The following ZNF608 variants were observed in gnomAD, a reference collection of about 807,000 sequenced individuals.
The protein encoded by ZNF608 is renal carcinoma antigen NY-REN-36.
A neutral mutation model predicts 109.0 loss-of-function variants in ZNF608; 12 were observed. The ratio of observed to expected loss-of-function variants is 0.11; its 90% CI spans 0.07 to 0.18. The LOEUF (loss-of-function observed/expected upper bound fraction) is 0.18, where lower values mean the gene tolerates loss of function less well. Among genes scored for constraint, ZNF608 ranks in the 10% least tolerant of loss-of-function variants. ZNF608 has a pLI of 1.00. For synonymous variants in ZNF608, 732 were observed against 717.4 expected, an observed-to-expected ratio of 1.02 and a Z score of -0.33; for missense variants, 1,707 against 1,879.3, an observed-to-expected ratio of 0.91 and a Z score of 1.70.
At chr5:124,747,363 A>C (rs1749676201), upstream of ZNF608, among the ~76,000 whole-genome samples, 1 of 151,586 alleles carries the variant, frequency 6.6e-6, no homozygotes, top group Admixed American at 6.6e-5. Context: ...AGCAGTAATG[A>C]ATTGTTGATG....
chr5:124,725,149 G>A (rs1248119190), intron 2 of ZNF608, among the ~76,000 whole-genome samples: 1 of 151,856 alleles, frequency 6.6e-6, no homozygotes, highest in Admixed American at 6.6e-5. Flanking sequence ...CTCCACAAGG[G>A]GGCCAAATGG....
intron 2 of ZNF608, among the ~76,000 whole-genome samples, chr5:124,711,710 T>C (rs1424399572): frequency 1.3e-5 from 2 of 152,174 alleles, no homozygotes; most frequent in Admixed American, 6.5e-5. Flanking sequence ...CAGAGCCAAA[T>C]GTGGTCAGAG....
At chr5:124,644,769 A>G in intron 5 of ZNF608, 108 bp from the exon 6 acceptor site, 1 of 936,110 alleles carries the variant, frequency 1.1e-6, no homozygotes, top group Non-Finnish European at 1.6e-6. Flanking sequence ...CTTAATTTTA[A>G]TGCTAAGTTG....
At chr5:124,690,180 A>G (rs1752556487) in intron 3 of ZNF608, among the ~76,000 whole-genome samples, 1 of 152,260 alleles carries the variant, frequency 6.6e-6, no homozygotes, top group African/African-American at 2.4e-5. Flanking sequence ...AAAGAGCAAA[A>G]CAATGGAGAC....
At chr5:124,683,701 C>T (rs1258130645) in intron 3 of ZNF608, among the ~76,000 whole-genome samples, 2 of 152,026 alleles carry the variant, frequency 1.3e-5, no homozygotes, top group Non-Finnish European at 2.9e-5. Flanking sequence ...AACATATAAC[C>T]TGAATAAAAG....
At chr5:124,651,839 A>AG (rs1179504693) in intron 3 of ZNF608, among the ~76,000 whole-genome samples, 12 of 152,204 alleles carry the variant, frequency 7.9e-5, no homozygotes, top group Non-Finnish European at 1.8e-4. Flanking sequence ...GCGGAGGCAA[A>AG]GGGACGCATC....
intron 2 of ZNF608, among the ~76,000 whole-genome samples, chr5:124,717,479 A>G (rs1753750819): frequency 6.6e-6 from 1 of 152,316 alleles, no homozygotes; most frequent in Non-Finnish European, 1.5e-5. Flanking sequence ...TTAAATAAAT[A>G]AATAAATAAA....
At chr5:124,723,374 T>C (rs562015554) in intron 2 of ZNF608, among the ~76,000 whole-genome samples, 4 of 152,298 alleles carry the variant, frequency 2.6e-5, no homozygotes, top group Middle Eastern at 3.4e-3. Context: ...GGGAGACATT[T>C]CTTACTCCAA....
At chr5:124,652,445 A>T (rs1306349711) in intron 3 of ZNF608, among the ~76,000 whole-genome samples, 1 of 152,206 alleles carries the variant, frequency 6.6e-6, no homozygotes, top group Non-Finnish European at 1.5e-5. Context: ...GTGCTAATTA[A>T]ATATGTGTGC....
At chr5:124,655,707 G>A (rs1377322315) in intron 3 of ZNF608, among the ~76,000 whole-genome samples, 1 of 152,068 alleles carries the variant, frequency 6.6e-6, no homozygotes, top group Non-Finnish European at 1.5e-5. Flanking sequence ...TATTGTGCAA[G>A]GTATGATTTA....
intron 3 of ZNF608, among the ~76,000 whole-genome samples, chr5:124,654,490 C>A (rs762709119): frequency 1.4e-4 from 21 of 152,380 alleles, no homozygotes; most frequent in Middle Eastern, 3.4e-3. Context: ...AAGGTTCTCA[C>A]TTCTGTGAAT....
rs188399767 is a variant in ZNF608 at position 124,732,916 on chromosome 5, G to A, written c.906+11168C>T. ...TTGAGAGTTTTGCTTCCTGACCAGG[G>A]AGCACAGAAATAATCTGCCTCCCCA... On this transcript the variant is annotated intron_variant, in intron 2 of 9. Coordinates refer to ENST00000513986, the MANE Select transcript of ZNF608 (RefSeq NM_020747.3). Among the ~76,000 whole-genome samples, 81 of 152,110 alleles carry A rather than the reference G, an allele frequency of 5.3e-4. 1 individual carries two copies. Among genetic ancestry groups the A allele is most frequent in the South Asian group, 3.1e-3 (15 of 4,800 alleles).
In ZNF608 at chr5:124,641,361, C is replaced by T. The variant is rs757539163; in HGVS notation, c.4341G>A (p.Arg1447=). 4 of 1,613,952 alleles carry T rather than the reference C, an allele frequency of 2.5e-6. No individual in the cohort carries two copies. The highest frequency in any genetic ancestry group is 3.4e-6 in the Non-Finnish European group (4 of 1,180,018). ...CGAAGGGGGAGTGGCGATCCCTTTC[C>T]CTTTCTGCCTCCCGTTCCCGCTCAG... ...ATAEREREAE[R]ERDRHSPFGQ... is the part of the protein sequence containing the mutation. Residue 1447 remains arginine, a synonymous_variant, in exon 8 of 10, where the codon AGG becomes AGA. Transcript: ENST00000513986.
chr5:124,703,894 G>T (rs1008004886), intron 2 of ZNF608, among the ~76,000 whole-genome samples: 2 of 152,002 alleles, frequency 1.3e-5, no homozygotes, highest in Admixed American at 1.3e-4. Context: ...AGATATATTT[G>T]CATGCAGAAA....
chr5:124,736,533 A>C (rs1237248178), intron 2 of ZNF608, among the ~76,000 whole-genome samples: 1 of 152,214 alleles, frequency 6.6e-6, no homozygotes, highest in African/African-American at 2.4e-5. Context: ...CAAAAACAAA[A>C]GGTACTTTTA....
chr5:124,690,450 T>G (rs4282308), intron 3 of ZNF608, among the ~76,000 whole-genome samples: 30,036 of 152,086 alleles, frequency 0.2, 2,962 homozygotes, highest in African/African-American at 0.22. Flanking sequence ...TGATAATGGA[T>G]ACGCTATGCA....
chr5:124,659,225 A>T (rs535179818), intron 3 of ZNF608, among the ~76,000 whole-genome samples: 10 of 152,128 alleles, frequency 6.6e-5, no homozygotes, highest in Non-Finnish European at 1.3e-4. Context: ...ACTAGAAAAA[A>T]ACAGGTAAAG....
intron 2 of ZNF608, among the ~76,000 whole-genome samples, chr5:124,702,605 C>G (rs184883396): frequency 6.6e-6 from 1 of 151,932 alleles, no homozygotes; most frequent in East Asian, 1.9e-4. Context: ...TGTGTGGGCT[C>G]CTTGTTCATA....
rs550047055 is a variant in ZNF608 at position 124,648,316 on chromosome 5, C to T, written c.2068G>A (p.Asp690Asn). 10 of 1,614,242 alleles carry T rather than the reference C, an allele frequency of 6.2e-6. No homozygotes were observed. Among genetic ancestry groups the T allele is most frequent in the Non-Finnish European group, 8.5e-6 (10 of 1,180,044 alleles). The stretch of plus-strand genomic sequence containing the variant: ...GGCATCTCAGCAGCCAAACTGCCGT[C>T]TGCTGCCGAGCAACTGTCTAACGCA... ...TAALDSCSAA[D>N]GSLAAEMPKL... The change falls in exon 5 of 10, where the codon GAC becomes AAC. Residue 690 changes from aspartate to asparagine, a missense_variant. This residue lies in a region of ZNF608 where 1,073 missense variants were observed against 1,133.5 expected (regional missense o/e 0.95). Coordinates refer to ENST00000513986, the MANE Select transcript of ZNF608 (RefSeq NM_020747.3).
Sources: allele counts gnomAD v4.1 joint callset (sites outside exome capture counted in the v4.1 genomes callset), GRCh38; gene constraint gnomAD v4.1.1; regional missense constraint gnomAD v4.1.1; transcripts MANE v1.5; gene names NCBI Gene and HGNC (gene_info 2026-07-23, HGNC 2026-07-21).